The following MYO10 variants were observed in gnomAD, a reference collection of about 807,000 sequenced individuals.
MYO10 encodes the protein unconventional myosin-X.
Under a neutral mutation model 257.3 loss-of-function variants are expected in MYO10, and 133 were observed. The observed-to-expected ratio is 0.52, with a 90% CI of 0.45 to 0.60. The LOEUF is 0.60. Among genes scored for constraint, MYO10 ranks in the 20% least tolerant of loss-of-function variants. The pLI, the probability that MYO10 is intolerant of heterozygous loss-of-function variation, is 0.00. For missense variants in MYO10, 2,399 were observed against 2,635.7 expected, an observed-to-expected ratio of 0.91 and a Z score of 1.97; for synonymous variants, 1,104 against 1,028.6, an observed-to-expected ratio of 1.07 and a Z score of -1.40.
Position 16,918,500 on chromosome 5 carries a change from C to CTTTTTT in MYO10, c.21+17282_21+17287dup, listed in dbSNP as rs5866221. ...ATTTCACTGAAACTATTTTTCTTTTCTTTTTTTTTTTTTTTTTTTGAGACA... is the reference window on the plus strand; with the variant it reads ...ATTTCACTGAAACTATTTTTCTTTTCTTTTTTTTTTTTTTTTTTTTTTTTTGAGACA... On this transcript the variant is annotated intron_variant, in intron 1 of 40. Transcript: ENST00000513610. Among the ~76,000 whole-genome samples the CTTTTTT allele has an allele frequency of 6.6e-3, 769 of 117,210 alleles. 5 individuals carry two copies. Among genetic ancestry groups the CTTTTTT allele is most frequent in the Non-Finnish European group, 8.0e-3 (473 of 59,312 alleles). The allele number at this position is 117,210 out of a possible 152,430, so 76.9% of individuals were successfully genotyped here.
intron 2 of MYO10, among the ~76,000 whole-genome samples, chr5:16,871,374 G>T (rs150985817): frequency 3.6e-3 from 547 of 152,282 alleles, no homozygotes; most frequent in African/African-American, 0.012. Context: ...CAGCACTTTG[G>T]GAGGCCAAGG....
At position 16,912,036 on chromosome 5, in the gene MYO10, CA is replaced by C. The variant is rs1314002131; in HGVS notation, c.21+23751del. Among the ~76,000 whole-genome samples the C allele has an allele frequency of 1.4e-3, 197 of 143,862 alleles. 1 individual carries two copies. The highest frequency in any genetic ancestry group is 4.6e-3 in the African/African-American group (177 of 38,662). The allele number at this position is 143,862 out of a possible 152,430, so 94.4% of individuals were successfully genotyped here. ...GGCAACAAGAACGAAATTCCGTCTC[CA>C]AAAAAAAAAATTAGGTTGTTTGTTT... On this transcript the variant is annotated intron_variant, in intron 1 of 40. Transcript: ENST00000513610.
intron 19 of MYO10, among the ~76,000 whole-genome samples, chr5:16,717,130 C>A (rs564063297): frequency 6.6e-6 from 1 of 152,166 alleles, no homozygotes; most frequent in Non-Finnish European, 1.5e-5. Flanking sequence ...GGCCACCACG[C>A]GCGGCCTTAA....
In MYO10 at chr5:16,766,151, T is replaced by A. The variant is rs773181173; in HGVS notation, c.1108A>T (p.Thr370Ser). 1 of 1,613,802 alleles carries A rather than the reference T, an allele frequency of 6.2e-7. No homozygotes were observed. Residue 370 changes from threonine to serine, a missense_variant, in exon 11 of 41, where the codon ACA becomes TCA. Physicochemically the swap from Thr to Ser is moderately conservative, Grantham distance 58. This residue lies in a region of MYO10 where 337 missense variants were observed against 446.8 expected (regional missense o/e 0.75). Coordinates refer to ENST00000513610, the MANE Select transcript of MYO10 (RefSeq NM_012334.3). ...ELLGLDPTQL[T>S]DALTQRSMFL... is the part of the protein sequence containing the mutation. ...ATTGATCTCTGGGTCAAAGCATCTG[T>A]GAGCTGTGTTGGGTCCAGCCCAAGT...
intron 3 of MYO10, among the ~76,000 whole-genome samples, chr5:16,808,656 T>C (rs1742344336): frequency 6.6e-6 from 1 of 152,120 alleles, no homozygotes; most frequent in African/African-American, 2.4e-5. Flanking sequence ...CTCTCCTGAT[T>C]GAAAGGAATG....
Position 16,758,136 on chromosome 5 carries a change from T to A in MYO10, c.1830A>T (p.Thr610=). ...LKCGSKHRRP[T]VSSQFKDSLH... is the part of the protein sequence containing the mutation. ...AACGAACCTTGAACTGTGAGCTGAC[T>A]GTAGGCCGCCGATGTTTGCTTCCAC... The change falls in exon 18 of 41, where the codon ACA becomes ACT. Residue 610 remains threonine (T), a synonymous_variant. Coordinates refer to ENST00000513610, the MANE Select transcript of MYO10 (RefSeq NM_012334.3). The A allele has an allele frequency of 6.2e-7, 1 of 1,611,724 alleles. No homozygotes were observed. Among genetic ancestry groups the A allele is most frequent in the Non-Finnish European group, 8.5e-7 (1 of 1,177,822 alleles).
At chr5:16,850,882 A>G (rs1268129773) in intron 2 of MYO10, among the ~76,000 whole-genome samples, 3 of 151,804 alleles carry the variant, frequency 2.0e-5, no homozygotes, top group Non-Finnish European at 2.9e-5. Flanking sequence ...GCTCACTGCT[A>G]TCTCTGCCTC....
At position 16,675,054 on chromosome 5, in the gene MYO10, AT is replaced by A. The variant is rs1279004076; in HGVS notation, c.4762del (p.Ile1588Ter). On this transcript the variant is annotated frameshift_variant, in exon 35 of 41. Coordinates refer to ENST00000513610, the MANE Select transcript of MYO10 (RefSeq NM_012334.3). LOFTEE classifies it high-confidence loss of function. ...CCCTGTCTGTAGGATGCCCTGGATT[AT>A]TGGAATTGGGTCAGACATGGACTCC... Reference protein sequence around the residue: ...QLESMSDPIPIIQGILQTGHD... With the variant: ...QLESMSDPIPXIQGILQTGHD... 3 of 1,613,936 alleles carry A rather than the reference AT, an allele frequency of 1.9e-6. No homozygotes were observed. The Admixed American group carries it at 5.0e-5, about 27-fold the overall frequency.
intron 9 of MYO10, among the ~76,000 whole-genome samples, chr5:16,769,708 T>C (rs775698155): frequency 5.9e-5 from 9 of 152,102 alleles, no homozygotes; most frequent in Non-Finnish European, 1.3e-4. Context: ...GATAAAGAAC[T>C]ATAGCATGCT....
intron 4 of MYO10, among the ~76,000 whole-genome samples, chr5:16,793,271 A>G (rs975188468): frequency 1.3e-5 from 2 of 152,234 alleles, no homozygotes; most frequent in African/African-American, 2.4e-5. Flanking sequence ...CAGGATGTCA[A>G]TAGCATACAT....
chr5:16,893,615 G>A (rs1451058175), intron 1 of MYO10, among the ~76,000 whole-genome samples: 3 of 145,992 alleles, frequency 2.1e-5, no homozygotes, highest in South Asian at 2.1e-4. Flanking sequence ...GCCTGGGTGA[G>A]GGAGTGAGAC....
At chr5:16,668,092 T>A (rs888569578) in intron 40 of MYO10, among the ~76,000 whole-genome samples, 185 bp downstream of exon 40, 67 of 152,162 alleles carry the variant, frequency 4.4e-4, no homozygotes, top group Non-Finnish European at 1.2e-4. Context: ...AAAAAAAATA[T>A]GGTGATCTCA....
At chr5:16,893,097 T>C (rs1327572751) in intron 1 of MYO10, among the ~76,000 whole-genome samples, 1 of 146,618 alleles carries the variant, frequency 6.8e-6, no homozygotes, top group Non-Finnish European at 1.5e-5. Context: ...CTCGGGAGGC[T>C]GAGGCAGGAG....
At chr5:16,674,236 G>C (rs1484126351) in intron 35 of MYO10, among the ~76,000 whole-genome samples, 1 of 152,200 alleles carries the variant, frequency 6.6e-6, no homozygotes, top group Non-Finnish European at 1.5e-5. Context: ...GGGAGGCCGA[G>C]GCGGGTGGAT....
Position 16,747,918 on chromosome 5 carries a change from CAAAAAAAAAAAAAA to C in MYO10, c.1929+6896_1929+6909del, listed in dbSNP as rs777257950. Among the ~76,000 whole-genome samples the C allele has an allele frequency of 8.8e-4, 27 of 30,538 alleles. 1 individual carries two copies. Among genetic ancestry groups the C allele is most frequent in the Non-Finnish European group, 1.9e-3 (8 of 4,146 alleles). The allele number at this position is 30,538 out of a possible 152,430, so 20.0% of individuals were successfully genotyped here. On this transcript the variant is annotated intron_variant, in intron 19 of 40. Transcript: ENST00000513610. Reference sequence around the variant, plus strand: ...TGGGCGACAGAGCGAAACTCCGTCTCAAAAAAAAAAAAAAAAAAAAAAAAAAAAGAAAAAAAAAA... The same window carrying C: ...TGGGCGACAGAGCGAAACTCCGTCTCAAAAAAAAAAAAAAGAAAAAAAAAA...
chr5:16,763,556 A>G lies in MYO10; in HGVS notation c.1428-9T>C. The G allele has an allele frequency of 6.2e-7, 1 of 1,608,784 alleles. No homozygotes were observed. The highest frequency in any genetic ancestry group is 8.5e-7 in the Non-Finnish European group (1 of 1,175,224). On this transcript the variant is annotated splice_polypyrimidine_tract_variant and intron_variant, in intron 13 of 40. Transcript: ENST00000513610. Reference sequence around the variant, plus strand: ...CCCACACTAATCCTTCCCTGTAGAAAGATTTTAAACAGCCAAGTTAAATGA... The same window carrying G: ...CCCACACTAATCCTTCCCTGTAGAAGGATTTTAAACAGCCAAGTTAAATGA...
At chr5:16,837,242 A>G (rs966348647) in intron 2 of MYO10, among the ~76,000 whole-genome samples, 9 of 152,128 alleles carry the variant, frequency 5.9e-5, no homozygotes, top group East Asian at 1.9e-4. Context: ...CCCGGGAGGC[A>G]CAGGTTGCGG....
chr5:16,745,466 G>A (rs149366381), intron 19 of MYO10, among the ~76,000 whole-genome samples: 2,255 of 152,224 alleles, frequency 0.015, 60 homozygotes, highest in African/African-American at 0.051. Context: ...CAGGAGAATC[G>A]CTTGAGGCCA....
intron 19 of MYO10, among the ~76,000 whole-genome samples, chr5:16,750,392 T>C (rs185170616): frequency 1.3e-5 from 2 of 151,454 alleles, no homozygotes; most frequent in Middle Eastern, 3.4e-3. Flanking sequence ...AAACAATACA[T>C]AGAAAACCCA....
Sources: gnomAD v4.1 joint callset for allele counts (sites outside exome capture counted in the v4.1 genomes callset) on GRCh38, gnomAD v4.1.1 for gene constraint, gnomAD v4.1.1 regional missense constraint, MANE v1.5 for transcripts, NCBI Gene and HGNC (gene_info 2026-07-23, HGNC 2026-07-21) for gene names.